Variants in AKT3 observed in about 807,000 individuals in gnomAD.
AKT3 encodes AKT serine/threonine kinase 3.
AKT3 carries 15 observed loss-of-function variants against 65.3 expected under a neutral mutation model. The observed-to-expected ratio is 0.23, with a 90% CI of 0.15 to 0.35. AKT3 has a LOEUF of 0.35. Among genes scored for constraint, AKT3 ranks in the 10% least tolerant of loss-of-function variants. AKT3 has a pLI of 1.00. For missense variants in AKT3, 243 were observed against 576.5 expected (o/e 0.42, Z 5.92); for synonymous variants, 206 against 183.8 (o/e 1.12, Z -0.98).
At chr1:243,660,101 A>G (rs902926088) in intron 4 of AKT3, among the ~76,000 whole-genome samples, 2 of 151,884 alleles carry the variant, frequency 1.3e-5, no homozygotes, top group African/African-American at 2.4e-5. Flanking sequence ...CTGTGAATCC[A>G]TCTGGTCCTG....
At chr1:243,827,077 T>C (rs1390038508) in intron 2 of AKT3, among the ~76,000 whole-genome samples, 5 of 152,176 alleles carry the variant, frequency 3.3e-5, no homozygotes, top group Non-Finnish European at 5.9e-5. Flanking sequence ...TAACCACTTA[T>C]TATATTTTGG....
chr1:243,580,150 C>T (rs554853986), intron 8 of AKT3, among the ~76,000 whole-genome samples: 2 of 152,216 alleles, frequency 1.3e-5, no homozygotes, highest in East Asian at 3.9e-4. Flanking sequence ...AGAAGGAAAA[C>T]AGGAATCTAC....
chr1:243,788,848 T>G (rs73128287), intron 2 of AKT3: 35,263 of 152,214 alleles, frequency 0.23, 4,466 homozygotes, highest in East Asian at 0.35. Context: ...ACAATAAAGT[T>G]TGCCACATCA....
intron 2 of AKT3, among the ~76,000 whole-genome samples, chr1:243,784,981 T>C (rs1691159486): frequency 6.6e-6 from 1 of 151,970 alleles, no homozygotes; most frequent in African/African-American, 2.4e-5. Context: ...CCAGGCTGGA[T>C]TTCAACTCCC....
chr1:243,756,628 T>C (rs1689157605), intron 2 of AKT3, among the ~76,000 whole-genome samples: 1 of 152,234 alleles, frequency 6.6e-6, no homozygotes, highest in African/African-American at 2.4e-5. Context: ...AACTAATGAA[T>C]GTTGAAGAAA....
chr1:243,672,034 T>G (rs1558704410), intron 3 of AKT3, among the ~76,000 whole-genome samples: 1 of 152,190 alleles, frequency 6.6e-6, no homozygotes, highest in Non-Finnish European at 1.5e-5. Context: ...TATGACACTT[T>G]TTCTCATATA....
intron 2 of AKT3, among the ~76,000 whole-genome samples, chr1:243,716,196 A>G (rs2148094606): frequency 6.6e-6 from 1 of 152,256 alleles, no homozygotes; most frequent in Non-Finnish European, 1.5e-5. Flanking sequence ...GGGAATAGGG[A>G]TAATTAAATT....
chr1:243,646,379 C>T (rs753124070), intron 4 of AKT3, among the ~76,000 whole-genome samples: 2 of 148,640 alleles, frequency 1.3e-5, no homozygotes. Context: ...TTTTTGGAAA[C>T]GGTCTCACTC....
intron 2 of AKT3, among the ~76,000 whole-genome samples, chr1:243,811,868 C>T (rs1366097573): frequency 6.6e-6 from 1 of 152,164 alleles, no homozygotes; most frequent in African/African-American, 2.4e-5. Flanking sequence ...AATAATACCA[C>T]ACGTCTACAA....
chr1:243,597,516 GT>G (rs1206997349), intron 8 of AKT3, among the ~76,000 whole-genome samples: 1 of 151,740 alleles, frequency 6.6e-6, no homozygotes, highest in Non-Finnish European at 1.5e-5. Context: ...GTTTTGTTTT[GT>G]TTTGGTGACA....
chr1:243,589,791 T>G (rs773447870), intron 8 of AKT3, among the ~76,000 whole-genome samples: 2 of 152,212 alleles, frequency 1.3e-5, no homozygotes, highest in Admixed American at 6.5e-5. Flanking sequence ...TGCAGGTATC[T>G]CTATTCCAAG....
intron 8 of AKT3, among the ~76,000 whole-genome samples, chr1:243,597,171 T>C (rs1676675804): frequency 1.3e-5 from 2 of 152,182 alleles, no homozygotes; most frequent in South Asian, 4.1e-4. Flanking sequence ...TCAGAAGTCA[T>C]CTAATCATAT....
intron 2 of AKT3, among the ~76,000 whole-genome samples, chr1:243,744,525 G>A (rs1340731760): frequency 6.6e-6 from 1 of 151,950 alleles, no homozygotes; most frequent in Non-Finnish European, 1.5e-5. Context: ...GGATCACGAG[G>A]TCAGGAGATC....
intron 4 of AKT3, among the ~76,000 whole-genome samples, chr1:243,648,151 G>A (rs1013669501): frequency 2.6e-5 from 4 of 151,698 alleles, no homozygotes; most frequent in African/African-American, 7.3e-5. Flanking sequence ...CCAGCTACTC[G>A]GGAGACTGAG....
At chr1:243,829,121 T>C (rs774969735) in intron 2 of AKT3, among the ~76,000 whole-genome samples, 4 of 152,206 alleles carry the variant, frequency 2.6e-5, no homozygotes, top group Non-Finnish European at 5.9e-5. Context: ...GGGATAATAC[T>C]ACCTATAATT....
chr1:243,839,760 A>T (rs962690941), intron 2 of AKT3, among the ~76,000 whole-genome samples: 17 of 152,082 alleles, frequency 1.1e-4, no homozygotes, highest in Admixed American at 1.1e-3. Flanking sequence ...TGATGCATAT[A>T]GTCTTACGAA....
chr1:243,740,091 CG>C (rs1281512394), intron 2 of AKT3, among the ~76,000 whole-genome samples: 3 of 152,088 alleles, frequency 2.0e-5, no homozygotes, highest in Non-Finnish European at 4.4e-5. Context: ...CACATGTGGC[CG>C]GAAGAGAAGG....
intron 2 of AKT3, among the ~76,000 whole-genome samples, chr1:243,787,368 T>A (rs1572348641): frequency 6.6e-6 from 1 of 152,264 alleles, no homozygotes; most frequent in South Asian, 2.1e-4. Context: ...TAGTCCCAGC[T>A]CCCTCTCCAA....
intron 3 of AKT3, among the ~76,000 whole-genome samples, chr1:243,687,057 T>A (rs535716704): frequency 2.0e-5 from 3 of 152,064 alleles, no homozygotes; most frequent in South Asian, 2.1e-4. Flanking sequence ...TCAGAGAAGT[T>A]ATGTGATTTG....
Sources: gnomAD v4.1 joint callset for allele counts (sites outside exome capture counted in the v4.1 genomes callset) on GRCh38, gnomAD v4.1.1 for gene constraint, MANE v1.5 for transcripts, NCBI Gene and HGNC (gene_info 2026-07-23, HGNC 2026-07-21) for gene names.